Variants in TYW1 observed in about 807,000 individuals in gnomAD.
TYW1 encodes the protein tRNA-yW synthesizing protein 1 homolog, also known as S-adenosyl-L-methionine-dependent tRNA 4-demethylwyosine synthase TYW1.
Under a neutral mutation model 96.2 loss-of-function variants are expected in TYW1, and 46 were observed. The observed-to-expected ratio is 0.48, with a 90% CI of 0.38 to 0.61. The LOEUF (loss-of-function observed/expected upper bound fraction) is 0.61. Among genes scored for constraint, TYW1 ranks in the 20% least tolerant of loss-of-function variants. The probability of loss-of-function intolerance (pLI) is 0.00; values close to 1 mark genes in which losing one functional copy is unlikely to be tolerated. For missense variants in TYW1, 684 were observed against 909.6 expected, an observed-to-expected ratio of 0.75 and a Z score of 3.19; for synonymous variants, 274 against 323.0, an observed-to-expected ratio of 0.85 and a Z score of 1.63.
At chr7:67,036,511 G>A (rs1352571419) in intron 7 of TYW1, among the ~76,000 whole-genome samples, 1 of 152,228 alleles carries the variant, frequency 6.6e-6, no homozygotes, top group Non-Finnish European at 1.5e-5. Context: ...AATGGAAAGA[G>A]TGTGACCCAT....
intron 13 of TYW1, among the ~76,000 whole-genome samples, chr7:67,137,102 C>T (rs143826168): frequency 0.032 from 4,870 of 150,826 alleles, 242 homozygotes; most frequent in African/African-American, 0.11. Context: ...TGTGAGCCAC[C>T]GCGCCTGGCC....
intron 10 of TYW1, among the ~76,000 whole-genome samples, chr7:67,080,190 T>C (rs1200538350): frequency 2.0e-5 from 3 of 152,204 alleles, no homozygotes; most frequent in Non-Finnish European, 4.4e-5. Context: ...CCAACTATTA[T>C]GGTAGTAGAG....
At chr7:67,037,368 G>T (rs1053664180) in intron 7 of TYW1, among the ~76,000 whole-genome samples, 3 of 152,050 alleles carry the variant, frequency 2.0e-5, no homozygotes, top group African/African-American at 7.2e-5. Flanking sequence ...GCCAGGCGTG[G>T]TGGTGCATGC....
intron 3 of TYW1, among the ~76,000 whole-genome samples, chr7:67,006,366 A>G (rs1793588234): frequency 2.6e-5 from 4 of 151,770 alleles, no homozygotes; most frequent in African/African-American, 9.7e-5. Flanking sequence ...CTTCCTGTAC[A>G]GTCTGCAGAA....
At chr7:67,152,423 A>G (rs1319844095) in intron 13 of TYW1, among the ~76,000 whole-genome samples, 1 of 152,012 alleles carries the variant, frequency 6.6e-6, no homozygotes. Context: ...GGGTTTTAGA[A>G]GATTTTGCTC....
intron 7 of TYW1, among the ~76,000 whole-genome samples, chr7:67,035,509 A>G (rs1399439701): frequency 2.0e-5 from 3 of 152,264 alleles, no homozygotes; most frequent in East Asian, 3.9e-4. Context: ...CACCAGCTAC[A>G]GATTTGTTGC....
chr7:67,049,103 G>C lies in TYW1; in HGVS notation c.985-846G>C, dbSNP rs114920222. Among the ~76,000 whole-genome samples the C allele has an allele frequency of 1.9e-3, 288 of 152,326 alleles. 2 individuals are homozygous for C. Among genetic ancestry groups the C allele is most frequent in the African/African-American group, 6.3e-3 (264 of 41,578 alleles). On this transcript the variant is annotated intron_variant, in intron 7 of 15. Coordinates refer to ENST00000359626, the MANE Select transcript of TYW1 (RefSeq NM_018264.4). ...CTCTGAGCCGATGGCTCTCAGGGTGGCTTAGAGTACTTTTTTCATTTGTTT... is the reference window on the plus strand; with the variant it reads ...CTCTGAGCCGATGGCTCTCAGGGTGCCTTAGAGTACTTTTTTCATTTGTTT...
At chr7:67,207,536 G>T (rs66806481) in intron 15 of TYW1, among the ~76,000 whole-genome samples, 1 of 151,872 alleles carries the variant, frequency 6.6e-6, no homozygotes, top group Non-Finnish European at 1.5e-5. Flanking sequence ...ATCCATGCTT[G>T]GTGAAAGTCA....
chr7:67,123,020 G>A (rs1797805986), intron 13 of TYW1, among the ~76,000 whole-genome samples: 1 of 152,170 alleles, frequency 6.6e-6, no homozygotes, highest in Non-Finnish European at 1.5e-5. Context: ...TTATCCTAGA[G>A]TTTCTTGTAG....
chr7:67,215,702 G>A (rs956382944), intron 15 of TYW1, among the ~76,000 whole-genome samples: 10 of 152,044 alleles, frequency 6.6e-5, no homozygotes, highest in Admixed American at 2.6e-4. Context: ...CGATCACAAG[G>A]TCCCACAATA....
chr7:67,225,374 C>CA (rs974588799), intron 15 of TYW1, among the ~76,000 whole-genome samples: 4 of 152,082 alleles, frequency 2.6e-5, no homozygotes, highest in Admixed American at 6.5e-5. Flanking sequence ...CCAGCACAGC[C>CA]AACAGCAGTC....
intron 5 of TYW1, among the ~76,000 whole-genome samples, chr7:67,016,005 A>C (rs1340288855): frequency 6.6e-6 from 1 of 151,976 alleles, no homozygotes; most frequent in Non-Finnish European, 1.5e-5. Flanking sequence ...GAAATGAAGG[A>C]AAAAACATTC....
intron 7 of TYW1, among the ~76,000 whole-genome samples, chr7:67,046,205 C>T (rs934880864): frequency 1.3e-5 from 2 of 152,076 alleles, no homozygotes; most frequent in African/African-American, 4.8e-5. Context: ...ATCTGATTGG[C>T]GCATGCCCTG....
At chr7:67,055,952 A>T in intron 9 of TYW1, 65 bp downstream of exon 9, 1 of 1,193,988 alleles carries the variant, frequency 8.4e-7, no homozygotes, top group Non-Finnish European at 1.2e-6. Flanking sequence ...ATTATTATAC[A>T]CTGTCTATAA....
intron 3 of TYW1, among the ~76,000 whole-genome samples, chr7:67,007,519 C>G (rs749389310): frequency 1.3e-5 from 2 of 152,180 alleles, no homozygotes; most frequent in Non-Finnish European, 2.9e-5. Flanking sequence ...ACCTCCTATT[C>G]GAGCTCACTT....
intron 1 of TYW1, among the ~76,000 whole-genome samples, chr7:66,997,353 C>G (rs1315096325): frequency 3.3e-5 from 5 of 151,776 alleles, no homozygotes; most frequent in South Asian, 2.1e-4. Flanking sequence ...AGGTCAGTTA[C>G]TTGAGAATCT....
At chr7:67,097,949 C>G (rs1232206382) in intron 11 of TYW1, among the ~76,000 whole-genome samples, 1 of 151,972 alleles carries the variant, frequency 6.6e-6, no homozygotes, top group Non-Finnish European at 1.5e-5. Context: ...AATCCTCCTG[C>G]CTTGGCCTCC....
chr7:67,103,839 C>G (rs1391744439), intron 12 of TYW1, among the ~76,000 whole-genome samples: 1 of 152,146 alleles, frequency 6.6e-6, no homozygotes, highest in African/African-American at 2.4e-5. Flanking sequence ...TGCTGAGCCT[C>G]TTGCAGCCAT....
chr7:67,206,832 C>T (rs1800817483), intron 15 of TYW1, among the ~76,000 whole-genome samples: 1 of 152,154 alleles, frequency 6.6e-6, no homozygotes, highest in Non-Finnish European at 1.5e-5. Flanking sequence ...TAATTCCAAG[C>T]TTATTGTTTC....
Sources: allele counts gnomAD v4.1 joint callset (sites outside exome capture counted in the v4.1 genomes callset), GRCh38; gene constraint gnomAD v4.1.1; transcripts MANE v1.5; gene names NCBI Gene and HGNC (gene_info 2026-07-23, HGNC 2026-07-21).